The following RIN3 variants were observed in gnomAD, a reference collection of about 807,000 sequenced individuals.
RIN3 encodes the protein RAB5 interacting protein 3.
Under a neutral mutation model 76.3 loss-of-function variants are expected in RIN3, and 54 were observed. The observed-to-expected ratio is 0.71, with a 90% confidence interval of 0.57 to 0.89. The LOEUF (loss-of-function observed/expected upper bound fraction) is 0.89. Ranked by LOEUF, RIN3 falls within the 40% of genes least tolerant of loss-of-function variation. The pLI is 0.00. For synonymous variants in RIN3, 576 were observed against 564.0 expected, an observed-to-expected ratio of 1.02 and a Z score of -0.30; for missense variants, 1,256 against 1,322.1, an observed-to-expected ratio of 0.95 and a Z score of 0.78.
At chr14:92,542,217 G>T (rs992674608) in intron 1 of RIN3, among the ~76,000 whole-genome samples, 2 of 152,176 alleles carry the variant, frequency 1.3e-5, no homozygotes, top group Non-Finnish European at 2.9e-5. Flanking sequence ...GAGCCTGGGA[G>T]GTTGAGGCTG....
At chr14:92,591,592 G>A (rs1387615968) in intron 3 of RIN3, among the ~76,000 whole-genome samples, 1 of 151,984 alleles carries the variant, frequency 6.6e-6, no homozygotes, top group Non-Finnish European at 1.5e-5. Context: ...CCAGAGGGGG[G>A]AGAAAAACAC....
chr14:92,687,557 C>T lies in RIN3; in HGVS notation c.2632-369C>T, dbSNP rs531464285. The T allele has an allele frequency of 5.0e-4, 144 of 288,530 alleles. 1 individual carries two copies. Among genetic ancestry groups the T allele is most frequent in the African/African-American group, 3.1e-3 (135 of 43,826 alleles). The allele number at this position is 288,530 out of a possible 1,614,324, so 17.9% of individuals were successfully genotyped here. ...CTCCCTTCTTATCTGTGCTGCCCTC[C>T]GTGCCCAGCATTGCGCCTGGGGTGC... On this transcript the variant is annotated intron_variant, in intron 9 of 9. Coordinates refer to ENST00000216487, the MANE Select transcript of RIN3 (RefSeq NM_024832.5).
chr14:92,665,939 G>C (rs1888082291), intron 7 of RIN3, among the ~76,000 whole-genome samples: 1 of 152,036 alleles, frequency 6.6e-6, no homozygotes, highest in Non-Finnish European at 1.5e-5. Context: ...CTATGGCCTT[G>C]CTACCCGAGG....
In RIN3 at chr14:92,582,609, C is replaced by T. The variant is rs563407417; in HGVS notation, c.367+5132C>T. Among the ~76,000 whole-genome samples the T allele has an allele frequency of 3.3e-5, 5 of 152,188 alleles. No homozygotes were observed. The South Asian group carries it at 8.3e-4, about 25-fold the overall frequency. On this transcript the variant is annotated intron_variant, in intron 3 of 9. Coordinates refer to ENST00000216487, the MANE Select transcript of RIN3 (RefSeq NM_024832.5). Reference sequence around the variant, plus strand: ...CTGGGACTACAGGCATGCGCCATCACGTCCGGCTAATTTTTGTGTATTTAG... The same window carrying T: ...CTGGGACTACAGGCATGCGCCATCATGTCCGGCTAATTTTTGTGTATTTAG...
chr14:92,541,877 A>G (rs940381162), intron 1 of RIN3, among the ~76,000 whole-genome samples: 1 of 152,264 alleles, frequency 6.6e-6, no homozygotes, highest in South Asian at 2.1e-4. Flanking sequence ...TTTGCAAATC[A>G]TATATCTGAT....
intron 3 of RIN3, among the ~76,000 whole-genome samples, chr14:92,603,935 G>A (rs1885434948): frequency 6.6e-6 from 1 of 152,232 alleles, no homozygotes; most frequent in Non-Finnish European, 1.5e-5. Context: ...ATCTGTTTCA[G>A]AAAATCGTGC....
At chr14:92,580,687 C>T (rs1479760939) in intron 3 of RIN3, among the ~76,000 whole-genome samples, 1 of 152,252 alleles carries the variant, frequency 6.6e-6, no homozygotes, top group African/African-American at 2.4e-5. Context: ...GGCTCTGCCA[C>T]CTTCAGCGTG....
chr14:92,561,044 A>AAAAAATAT (rs1555383856), intron 2 of RIN3, among the ~76,000 whole-genome samples: 4 of 24,404 alleles, frequency 1.6e-4, no homozygotes, highest in Non-Finnish European at 2.4e-4. Flanking sequence ...AAAAAAAAAA[A>AAAAAATAT]ATATATATAT....
chr14:92,558,083 T>A (rs964332533), intron 2 of RIN3, among the ~76,000 whole-genome samples: 3 of 152,196 alleles, frequency 2.0e-5, no homozygotes, highest in African/African-American at 7.2e-5. Flanking sequence ...GCGCGGTGGC[T>A]CATGCCTATA....
intron 3 of RIN3, among the ~76,000 whole-genome samples, chr14:92,604,236 T>C (rs1270488691): frequency 1.3e-5 from 2 of 150,522 alleles, no homozygotes; most frequent in Non-Finnish European, 3.0e-5. Context: ...GCGCCCCCCC[T>C]CCCACTCCCC....
chr14:92,523,915 G>A (rs889332174), intron 1 of RIN3, among the ~76,000 whole-genome samples: 2 of 152,182 alleles, frequency 1.3e-5, no homozygotes, highest in African/African-American at 2.4e-5. Flanking sequence ...CCTGGAGACC[G>A]GGTGCAGTGG....
Position 92,652,965 on chromosome 14 carries a change from A to G in RIN3, c.1916A>G (p.Glu639Gly). Residue 639 changes from glutamate to glycine, a missense_variant, in exon 6 of 10, where the codon GAG becomes GGG. Around this residue, in one of 3 missense-constraint regions of RIN3, gnomAD observed 428 missense variants for 521.2 expected, o/e 0.82. Transcript: ENST00000216487. This position sits in a 1 kb window ranked among gnomAD's most constrained non-coding sequence, Gnocchi z 6.4. ...EMMARQTSSTEMLQEIRTMMT... is the reference protein window; with the variant it reads ...EMMARQTSSTGMLQEIRTMMT... ...ATGGCGCGCCAGACCTCCAGCACGG[A>G]GATGCTGCAGGAGATTCGCACCATG... 3 of 1,613,680 alleles carry G rather than the reference A, an allele frequency of 1.9e-6. No homozygotes were observed. The highest frequency in any genetic ancestry group is 2.5e-6 in the Non-Finnish European group (3 of 1,180,022).
intron 8 of RIN3, among the ~76,000 whole-genome samples, chr14:92,678,214 T>C (rs1355935245): frequency 5.2e-5 from 6 of 115,672 alleles, no homozygotes; most frequent in Non-Finnish European, 7.3e-5. Context: ...ACCCACCCAT[T>C]CACCCACCCA....
In RIN3 at chr14:92,688,200, G is replaced by A. The variant is rs201730825; in HGVS notation, c.2906G>A (p.Gly969Asp). ...CGGCCCCTGGACGGTGGTGGCGGCGGCGGCGGCGGGAGCCCGCCCTGCCTG... is the reference window on the plus strand; with the variant it reads ...CGGCCCCTGGACGGTGGTGGCGGCGACGGCGGCGGGAGCCCGCCCTGCCTG... ...VYRPLDGGGG[G>D]GGGSPPCLVV... is the part of the protein sequence containing the mutation. The change falls in exon 10 of 10, where the codon GGC becomes GAC. Residue 969 changes from glycine to aspartate, a missense_variant. Coordinates refer to ENST00000216487, the MANE Select transcript of RIN3 (RefSeq NM_024832.5). The A allele has an allele frequency of 6.2e-7, 1 of 1,605,760 alleles. No individual in the cohort carries two copies. The highest frequency in any genetic ancestry group is 8.5e-7 in the Non-Finnish European group (1 of 1,176,896).
chr14:92,637,773 T>TA (rs201551551), intron 4 of RIN3, among the ~76,000 whole-genome samples: 33 of 152,166 alleles, frequency 2.2e-4, no homozygotes, highest in African/African-American at 7.5e-4. Flanking sequence ...TCCTTTTCCT[T>TA]AAAAAAAATG....
chr14:92,630,356 G>C (rs552930782), intron 4 of RIN3, among the ~76,000 whole-genome samples: 1 of 152,130 alleles, frequency 6.6e-6, no homozygotes. Flanking sequence ...GCCGGGTGTC[G>C]TGGCACATGC....
rs543301201 is a variant in RIN3 at position 92,598,609 on chromosome 14, G to A, written c.368-16798G>A. Among the ~76,000 whole-genome samples, 7 of 152,356 alleles carry A rather than the reference G, an allele frequency of 4.6e-5. No homozygotes were observed. In the East Asian group the frequency reaches 9.6e-4, roughly 21 times the overall value. Reference sequence around the variant, plus strand: ...ATTAAGATCACACATTAATTAGCAAGTGGTGGGAACAGGATTTAAACCCCA... The same window carrying A: ...ATTAAGATCACACATTAATTAGCAAATGGTGGGAACAGGATTTAAACCCCA... On this transcript the variant is annotated intron_variant, in intron 3 of 9. Coordinates refer to ENST00000216487, the MANE Select transcript of RIN3 (RefSeq NM_024832.5).
At chr14:92,590,230 G>A (rs1400167645) in intron 3 of RIN3, among the ~76,000 whole-genome samples, 1 of 152,196 alleles carries the variant, frequency 6.6e-6, no homozygotes, top group Non-Finnish European at 1.5e-5. Flanking sequence ...GAACATTTTG[G>A]AAATATGCCA....
At chr14:92,607,786 G>C (rs767445303) in intron 3 of RIN3, among the ~76,000 whole-genome samples, 1 of 152,198 alleles carries the variant, frequency 6.6e-6, no homozygotes, top group African/African-American at 2.4e-5. Flanking sequence ...TCCTTCAGTG[G>C]ATGAATGCCT....
Sources: allele counts gnomAD v4.1 joint callset (sites outside exome capture counted in the v4.1 genomes callset), GRCh38; gene constraint gnomAD v4.1.1; regional missense constraint gnomAD v4.1.1; non-coding constraint Gnocchi (gnomAD v3.1); transcripts MANE v1.5; gene names NCBI Gene and HGNC (gene_info 2026-07-23, HGNC 2026-07-21).